The following TBC1D5 variants were observed in gnomAD, a reference collection of about 807,000 sequenced individuals.
TBC1D5 encodes the protein TBC1 domain family member 5, also known as TBC1 domain family, member 5.
TBC1D5 carries 75 observed loss-of-function variants against 100.3 expected under a neutral mutation model. The observed-to-expected ratio is 0.75, with a 90% CI of 0.62 to 0.91. The LOEUF (loss-of-function observed/expected upper bound fraction) is 0.91. TBC1D5 is among the 40% of genes least tolerant of loss of function. The pLI is 0.00. For missense variants in TBC1D5, 910 were observed against 942.4 expected, an observed-to-expected ratio of 0.97 and a Z score of 0.45; for synonymous variants, 323 against 325.6, an observed-to-expected ratio of 0.99 and a Z score of 0.09.
chr3:17,194,796 T>C (rs1212197958), intron 18 of TBC1D5, among the ~76,000 whole-genome samples: 2 of 152,242 alleles, frequency 1.3e-5, no homozygotes, highest in Admixed American at 1.3e-4. Flanking sequence ...CATTTTAACA[T>C]TGTGAGCCAT....
At chr3:17,360,235 T>G (rs1229196445) in intron 13 of TBC1D5, among the ~76,000 whole-genome samples, 2 of 152,032 alleles carry the variant, frequency 1.3e-5, no homozygotes. Context: ...TTAGATGGTA[T>G]TTTGTAATTA....
chr3:17,494,442 G>A (rs2095678488), intron 3 of TBC1D5, among the ~76,000 whole-genome samples: 2 of 152,268 alleles, frequency 1.3e-5, no homozygotes, highest in South Asian at 4.1e-4. Flanking sequence ...CCTTGGTGGA[G>A]TGGGTGCACT....
intron 17 of TBC1D5, among the ~76,000 whole-genome samples, chr3:17,227,023 G>A (rs2074967972): frequency 6.6e-6 from 1 of 152,102 alleles, no homozygotes; most frequent in Non-Finnish European, 1.5e-5. Flanking sequence ...AGGGAAGTAT[G>A]AACATAACAG....
At chr3:17,179,156 C>T (rs1036462474) in intron 19 of TBC1D5, among the ~76,000 whole-genome samples, 1 of 152,228 alleles carries the variant, frequency 6.6e-6, no homozygotes, top group African/African-American at 2.4e-5. Context: ...TGAATTGTAT[C>T]TTTTCCTCCT....
In TBC1D5 at chr3:17,656,778, G is replaced by A. The variant is rs143235325; in HGVS notation, c.-100-32865C>T. On this transcript the variant is annotated intron_variant, in intron 1 of 21. Transcript: ENST00000253692. ...TTCATACACTTTCATATGTTTTTTCGCTAGAAAATGATGAACTAGATATTT... is the reference window on the plus strand; with the variant it reads ...TTCATACACTTTCATATGTTTTTTCACTAGAAAATGATGAACTAGATATTT... Among the ~76,000 whole-genome samples, 1,190 of 151,810 alleles carry A rather than the reference G, an allele frequency of 7.8e-3. 15 individuals carry two copies. Among genetic ancestry groups the A allele is most frequent in the Non-Finnish European group, 0.014 (953 of 67,988 alleles).
At position 17,409,981 on chromosome 3, in the gene TBC1D5, T is replaced by C. The variant is rs201255883; in HGVS notation, c.168-3455A>G. ...AGGTAGCTACAATAAACAATAGATA[T>C]TCAATGTAGACATAACAACCTTCTA... On this transcript the variant is annotated intron_variant, in intron 4 of 21. Transcript: ENST00000253692. 7.9e-5 allele frequency among the ~76,000 whole-genome samples: 12 copies of C among 152,254 alleles called. No homozygotes were observed. The East Asian group carries it at 2.1e-3, about 27-fold the overall frequency.
chr3:17,192,675 G>A (rs1326982159), intron 18 of TBC1D5, among the ~76,000 whole-genome samples: 1 of 152,198 alleles, frequency 6.6e-6, no homozygotes, highest in African/African-American at 2.4e-5. Flanking sequence ...TCACATTTAT[G>A]CTATCCAATT....
intron 2 of TBC1D5, among the ~76,000 whole-genome samples, chr3:17,578,485 T>C (rs201906868): frequency 6.6e-6 from 1 of 152,190 alleles, no homozygotes; most frequent in East Asian, 1.9e-4. Flanking sequence ...AGAACCCTAC[T>C]GGTACACAAT....
At chr3:17,318,580 C>T (rs2084989156) in intron 13 of TBC1D5, among the ~76,000 whole-genome samples, 2 of 152,134 alleles carry the variant, frequency 1.3e-5, no homozygotes, top group African/African-American at 4.8e-5. Context: ...CAGGAACAGG[C>T]ATTTTACTGA....
At chr3:17,469,930 T>G (rs992397822) in intron 3 of TBC1D5, among the ~76,000 whole-genome samples, 5 of 152,230 alleles carry the variant, frequency 3.3e-5, no homozygotes, top group African/African-American at 1.2e-4. Flanking sequence ...AGAATAAATG[T>G]TTTACATAAA....
chr3:17,235,636 A>C (rs1482282057), intron 17 of TBC1D5, among the ~76,000 whole-genome samples: 2 of 152,186 alleles, frequency 1.3e-5, no homozygotes, highest in Non-Finnish European at 2.9e-5. Context: ...TATTCTACCA[A>C]AACAACCATA....
intron 18 of TBC1D5, among the ~76,000 whole-genome samples, chr3:17,212,563 G>GA (rs989042748): frequency 1.3e-5 from 2 of 152,006 alleles, no homozygotes; most frequent in Non-Finnish European, 2.9e-5. Flanking sequence ...AAGTATTCCA[G>GA]AAGAAGGCAT....
At chr3:17,235,211 A>G (rs1289180901) in intron 17 of TBC1D5, among the ~76,000 whole-genome samples, 1 of 152,172 alleles carries the variant, frequency 6.6e-6, no homozygotes, top group Non-Finnish European at 1.5e-5. Flanking sequence ...ACAAAGACAA[A>G]CTACAGAATG....
intron 3 of TBC1D5, among the ~76,000 whole-genome samples, chr3:17,432,916 T>C (rs1217392850): frequency 6.6e-6 from 1 of 152,156 alleles, no homozygotes; most frequent in African/African-American, 2.4e-5. Flanking sequence ...AAAGTAACTT[T>C]TAGGACTTTG....
intron 1 of TBC1D5, among the ~76,000 whole-genome samples, chr3:17,724,888 G>GT (rs1442543395): frequency 6.6e-6 from 1 of 152,008 alleles, no homozygotes; most frequent in Admixed American, 6.6e-5. Context: ...AGGTCATTGT[G>GT]TATCTCTTTC....
At chr3:17,284,510 T>TA (rs1178236482) in intron 15 of TBC1D5, among the ~76,000 whole-genome samples, 1 of 152,190 alleles carries the variant, frequency 6.6e-6, no homozygotes, top group Non-Finnish European at 1.5e-5. Flanking sequence ...TGTATTTTTT[T>TA]TATATACCAT....
At chr3:17,716,991 C>T (rs2075294009) in intron 1 of TBC1D5, among the ~76,000 whole-genome samples, 1 of 152,144 alleles carries the variant, frequency 6.6e-6, no homozygotes, top group Non-Finnish European at 1.5e-5. Context: ...ATAACATGGA[C>T]TTGCTGAGCA....
At position 17,188,949 on chromosome 3, in the gene TBC1D5, G is replaced by C. The variant is rs144504743; in HGVS notation, c.1753-3741C>G. Among the ~76,000 whole-genome samples the C allele has an allele frequency of 8.5e-3, 1,300 of 152,288 alleles. 15 individuals are homozygous for C. Among genetic ancestry groups the C allele is most frequent in the African/African-American group, 0.029 (1,221 of 41,562 alleles). ...AAATGTTCATTATATTTACTTTTAT[G>C]TGTATGTCCTGCCTTCCATTATAGG... On this transcript the variant is annotated intron_variant, in intron 18 of 21. Transcript: ENST00000253692.
intron 3 of TBC1D5, among the ~76,000 whole-genome samples, chr3:17,485,631 T>G (rs11921244): frequency 0.08 from 12,123 of 151,942 alleles, 995 homozygotes; most frequent in African/African-American, 0.22. Flanking sequence ...TGAGAATGAT[T>G]ATTTCCAATT....
Sources: allele counts gnomAD v4.1 joint callset (sites outside exome capture counted in the v4.1 genomes callset), GRCh38; gene constraint gnomAD v4.1.1; transcripts MANE v1.5; gene names NCBI Gene and HGNC (gene_info 2026-07-23, HGNC 2026-07-21).